Variants in CDH13 observed in about 807,000 individuals in gnomAD.
CDH13 encodes cadherin 13.
Under a neutral mutation model 63.8 loss-of-function variants are expected in CDH13, and 24 were observed. The ratio of observed to expected loss-of-function variants is 0.38; its 90% CI spans 0.27 to 0.53. The LOEUF (loss-of-function observed/expected upper bound fraction) is 0.53, where lower values mean the gene tolerates loss of function less well. Ranked by LOEUF, CDH13 falls within the 20% of genes least tolerant of loss-of-function variation. The probability of loss-of-function intolerance (pLI) is 0.85; values close to 1 mark genes in which losing one functional copy is unlikely to be tolerated. For synonymous variants in CDH13, 503 were observed against 355.3 expected (o/e 1.42, Z -4.67); for missense variants, 1,049 against 903.1 (o/e 1.16, Z -2.07).
At chr16:83,247,402 G>C (rs1364835090) in intron 5 of CDH13, among the ~76,000 whole-genome samples, 2 of 152,140 alleles carry the variant, frequency 1.3e-5, no homozygotes, top group Non-Finnish European at 2.9e-5. Context: ...ACGTGCTTCA[G>C]TTTAGTGCAT....
intron 7 of CDH13, among the ~76,000 whole-genome samples, chr16:83,564,132 AG>A (rs766738294): frequency 2.6e-5 from 4 of 152,200 alleles, no homozygotes; most frequent in Non-Finnish European, 5.9e-5. Flanking sequence ...AACATCTGAG[AG>A]GCACTACTAG....
chr16:83,709,539 G>A (rs1281967295), intron 10 of CDH13, among the ~76,000 whole-genome samples: 1 of 152,174 alleles, frequency 6.6e-6, no homozygotes, highest in Non-Finnish European at 1.5e-5. Flanking sequence ...CATCCACCAT[G>A]TTGCCCACAT....
At chr16:83,541,221 A>G (rs182305801) in intron 7 of CDH13, among the ~76,000 whole-genome samples, 3 of 152,292 alleles carry the variant, frequency 2.0e-5, no homozygotes, top group East Asian at 3.9e-4. Context: ...AGTATCAGGA[A>G]GCTGCCCAAC....
intron 2 of CDH13, among the ~76,000 whole-genome samples, chr16:82,974,056 G>A (rs1909157477): frequency 6.6e-6 from 1 of 152,122 alleles, no homozygotes; most frequent in East Asian, 1.9e-4. Context: ...AGTAATCCCT[G>A]GGATTACGGG....
intron 5 of CDH13, among the ~76,000 whole-genome samples, chr16:83,317,580 C>T (rs1472172843): frequency 2.0e-5 from 3 of 152,118 alleles, no homozygotes; most frequent in Non-Finnish European, 4.4e-5. Flanking sequence ...GCAGGTGGAT[C>T]ACCTGAGGTC....
At chr16:83,475,942 A>G (rs1231736166) in intron 6 of CDH13, among the ~76,000 whole-genome samples, 3 of 152,158 alleles carry the variant, frequency 2.0e-5, no homozygotes, top group Non-Finnish European at 2.9e-5. Flanking sequence ...ATAGATATAA[A>G]TGATAGCGAC....
intron 1 of CDH13, among the ~76,000 whole-genome samples, chr16:82,650,514 A>C (rs1307821227): frequency 6.6e-6 from 1 of 152,164 alleles, no homozygotes; most frequent in South Asian, 2.1e-4. Flanking sequence ...CATTAACCCA[A>C]CCACTTAGGC....
chr16:83,479,436 C>T (rs2073700868), intron 6 of CDH13, among the ~76,000 whole-genome samples: 1 of 152,106 alleles, frequency 6.6e-6, no homozygotes, highest in South Asian at 2.1e-4. Flanking sequence ...ACGGGCAGAT[C>T]ACGAGTTCAG....
At chr16:83,380,630 T>C (rs1453893077) in intron 6 of CDH13, among the ~76,000 whole-genome samples, 1 of 152,172 alleles carries the variant, frequency 6.6e-6, no homozygotes, top group Non-Finnish European at 1.5e-5. Flanking sequence ...TCTCAGCACG[T>C]AGATTCTGCC....
rs1241218357 is a variant in CDH13, at chr16:82,912,079, AGCCATCCCATCCC to A, written c.157+53613_157+53625del. On this transcript the variant is annotated intron_variant, in intron 2 of 13. Coordinates refer to ENST00000567109, the MANE Select transcript of CDH13 (RefSeq NM_001257.5). ...CCACGGCCGCCCCTGCCGTCTCTTCAGCCATCCCATCCCGCCATCACCATGGAAACCTGTGGGA... is the reference window on the plus strand; with the variant it reads ...CCACGGCCGCCCCTGCCGTCTCTTCAGCCATCACCATGGAAACCTGTGGGA... Among the ~76,000 whole-genome samples, 11 of 152,030 alleles carry A rather than the reference AGCCATCCCATCCC, an allele frequency of 7.2e-5. No individual in the cohort carries two copies. In the South Asian group the frequency reaches 2.3e-3, roughly 32 times the overall value.
chr16:83,290,275 C>T (rs1163479122), intron 5 of CDH13, among the ~76,000 whole-genome samples: 1 of 152,214 alleles, frequency 6.6e-6, no homozygotes, highest in Non-Finnish European at 1.5e-5. Context: ...ATTCACTCTT[C>T]AGTCCCTGAT....
chr16:82,992,308 C>G (rs537818469), intron 2 of CDH13, among the ~76,000 whole-genome samples: 1 of 152,258 alleles, frequency 6.6e-6, no homozygotes, highest in Admixed American at 6.5e-5. Flanking sequence ...ATCAGAATCA[C>G]CAAGGATGTT....
At chr16:83,518,756 C>A (rs1053400813) in intron 7 of CDH13, among the ~76,000 whole-genome samples, 1 of 152,098 alleles carries the variant, frequency 6.6e-6, no homozygotes, top group Non-Finnish European at 1.5e-5. Flanking sequence ...CAGGTTTGAG[C>A]CACCGAGCCC....
At chr16:83,363,590 G>A (rs1204138743) in intron 6 of CDH13, among the ~76,000 whole-genome samples, 1 of 152,194 alleles carries the variant, frequency 6.6e-6, no homozygotes, top group African/African-American at 2.4e-5. Flanking sequence ...ATAAGAGAAG[G>A]AATCAAAGTG....
intron 6 of CDH13, among the ~76,000 whole-genome samples, chr16:83,354,728 C>T (rs1289218818): frequency 1.3e-5 from 2 of 152,138 alleles, no homozygotes; most frequent in East Asian, 1.9e-4. Context: ...CAGGAATGAC[C>T]TGAGGGACGG....
chr16:82,819,978 G>A (rs900557162), intron 1 of CDH13, among the ~76,000 whole-genome samples: 1 of 152,134 alleles, frequency 6.6e-6, no homozygotes, highest in Non-Finnish European at 1.5e-5. Flanking sequence ...ATTTATCTGA[G>A]AAGTGGTTCC....
At chr16:83,049,014 A>G (rs2029970902) in intron 3 of CDH13, among the ~76,000 whole-genome samples, 1 of 152,188 alleles carries the variant, frequency 6.6e-6, no homozygotes, top group African/African-American at 2.4e-5. Flanking sequence ...TGGAAACTGA[A>G]CAGCTGATTT....
rs113358337 is a variant in CDH13, at chr16:82,856,724, A to C, written c.46-1638A>C. 1.7e-3 allele frequency among the ~76,000 whole-genome samples: 240 copies of C among 144,526 alleles called. 1 individual carries two copies. Among genetic ancestry groups the C allele is most frequent in the Middle Eastern group, 7.0e-3 (2 of 284 alleles). The allele number at this position is 144,526 out of a possible 152,430, so 94.8% of individuals were successfully genotyped here. A position where few individuals can be genotyped will look rare whatever the true frequency, so the allele number is the denominator to read the frequency against. On this transcript the variant is annotated intron_variant, in intron 1 of 13. Coordinates refer to ENST00000567109, the MANE Select transcript of CDH13 (RefSeq NM_001257.5). ...AAAAAAAAAAAAAAAAAAAAAAAGG[A>C]AACTTTAAAAGTCAAAAAAAATAGA...
rs190783670 is a variant in CDH13, at chr16:83,506,499, C to T, written c.960+19844C>T. Among the ~76,000 whole-genome samples the T allele has an allele frequency of 9.7e-4, 147 of 152,294 alleles. 1 individual carries two copies. In the Middle Eastern group the frequency reaches 0.027, roughly 28 times the overall value. The stretch of plus-strand genomic sequence containing the variant: ...ATTGTACCACTACGTTCCTAACTCA[C>T]CCTCGTTCCAATGGCATCAGCATTT... On this transcript the variant is annotated intron_variant, in intron 7 of 13. Coordinates refer to ENST00000567109, the MANE Select transcript of CDH13 (RefSeq NM_001257.5).
Sources: gnomAD v4.1 joint callset for allele counts (sites outside exome capture counted in the v4.1 genomes callset) on GRCh38, gnomAD v4.1.1 for gene constraint, MANE v1.5 for transcripts, NCBI Gene and HGNC (gene_info 2026-07-23, HGNC 2026-07-21) for gene names.